Variants in FRMPD3 observed in about 807,000 individuals in gnomAD.
FRMPD3 encodes FERM and PDZ domain-containing protein 3.
In FRMPD3, 42 loss-of-function variants were observed where a neutral mutation model predicts 97.9. The ratio of observed to expected loss-of-function variants is 0.43; its 90% CI spans 0.34 to 0.55. The LOEUF (loss-of-function observed/expected upper bound fraction) is 0.55. Among genes scored for constraint, FRMPD3 ranks in the 20% least tolerant of loss-of-function variants. FRMPD3 has a pLI of 0.03. For synonymous variants in FRMPD3, 577 were observed against 581.1 expected (o/e 0.99, Z 0.10); for missense variants, 1,303 against 1,457.7 (o/e 0.89, Z 1.73).
At chrX:107,572,905 C>CTAATAATAA (rs1178379970) in intron 12 of FRMPD3, among the ~76,000 whole-genome samples, 2 of 101,632 alleles carry the variant, frequency 2.0e-5, no homozygotes, top group Non-Finnish European at 3.9e-5. Flanking sequence ...ACTACTACTA[C>CTAATAATAA]TACTAATAAT....
At chrX:107,598,294 G>A (rs953833710) in intron 14 of FRMPD3, among the ~76,000 whole-genome samples, 152 bp downstream of exon 14, 1 of 112,290 alleles carries the variant, frequency 8.9e-6, no homozygotes, top group Non-Finnish European at 1.9e-5. Context: ...AGGGTCAGAG[G>A]AGCAATGATG....
chrX:107,573,811 T>C (rs1923003554), intron 12 of FRMPD3, among the ~76,000 whole-genome samples: 2 of 112,460 alleles, frequency 1.8e-5, no homozygotes, highest in Admixed American at 1.9e-4. Flanking sequence ...GACTGTGTGG[T>C]ATAGACATAG....
intron 13 of FRMPD3, among the ~76,000 whole-genome samples, chrX:107,583,248 C>A (rs1054219806): frequency 9.1e-6 from 1 of 109,863 alleles, no homozygotes; most frequent in African/African-American, 3.3e-5. Flanking sequence ...CGCTCCCCCA[C>A]CCCCAACAGG....
rs766403816 is a variant in FRMPD3, at chrX:107,600,870, T to G, written c.2831T>G (p.Ile944Ser). The change falls in exon 15 of 15, where the codon ATC becomes AGC. Residue 944 changes from isoleucine (I) to serine (S), a missense_variant. Ile to Ser is a moderately radical substitution (Grantham distance 142, BLOSUM62 -2). This residue lies in a region of FRMPD3 where 764 missense variants were observed against 820.2 expected (regional missense o/e 0.93). Transcript: ENST00000683843. Reference sequence around the variant, plus strand: ...GAGGTCAGGTTGAGCCCCAAGCTTATCCTCGACCCAAAGAGCAGTGTGACC... The same window carrying G: ...GAGGTCAGGTTGAGCCCCAAGCTTAGCCTCGACCCAAAGAGCAGTGTGACC... ...PKEVRLSPKLILDPKSSVTPA... is the reference protein window; with the variant it reads ...PKEVRLSPKLSLDPKSSVTPA... 8.3e-6 allele frequency: 10 copies of G among 1,207,352 alleles called. No individual in the cohort carries two copies. The highest frequency in any genetic ancestry group is 1.1e-5 in the Non-Finnish European group (10 of 894,426).
At chrX:107,451,256 T>A (rs143917804) in intron 1 of FRMPD3, among the ~76,000 whole-genome samples, 1 of 112,108 alleles carries the variant, frequency 8.9e-6, no homozygotes, top group African/African-American at 3.2e-5. Flanking sequence ...GGGCAGTCTC[T>A]GGACTCCTGC....
At chrX:107,473,800 G>A (rs375403664) in intron 1 of FRMPD3, among the ~76,000 whole-genome samples, 19 of 112,536 alleles carry the variant, frequency 1.7e-4, no homozygotes, top group African/African-American at 5.8e-4. Flanking sequence ...TGCTAAGCTC[G>A]GGACTGGGTG....
Position 107,602,173 on chromosome X carries a change from G to A in FRMPD3, c.4134G>A (p.Ser1378=), listed in dbSNP as rs370910242. 709 of 1,209,155 alleles carry A rather than the reference G, an allele frequency of 5.9e-4. 3 individuals carry two copies. The African/African-American group carries it at 0.011, about 18-fold the overall frequency. Reference sequence around the variant, plus strand: ...TTTCGTGCCTGACCACGTGTGCCTCGGGGGGCGAGTGTCTGGGAGCTCCCA... The same window carrying A: ...TTTCGTGCCTGACCACGTGTGCCTCAGGGGGCGAGTGTCTGGGAGCTCCCA... ...SGVSCLTTCA[S]GGECLGAPNY... The change falls in exon 15 of 15, where the codon TCG becomes TCA. Residue 1378 remains serine, a synonymous_variant. Coordinates refer to ENST00000683843, the MANE Select transcript of FRMPD3 (RefSeq NM_001388459.1).
intron 4 of FRMPD3, among the ~76,000 whole-genome samples, chrX:107,543,167 A>G (rs1921399538): frequency 9.0e-6 from 1 of 111,423 alleles, no homozygotes; most frequent in African/African-American, 3.3e-5. Context: ...TCTGTTTTCC[A>G]CACAGCAACC....
intron 1 of FRMPD3, among the ~76,000 whole-genome samples, chrX:107,519,172 G>A (rs935903955): frequency 1.8e-5 from 2 of 111,750 alleles, no homozygotes; most frequent in African/African-American, 3.3e-5. Flanking sequence ...ATAATAATGT[G>A]AGTGTACTTA....
At chrX:107,524,018 C>T (rs1357919154) in intron 1 of FRMPD3, among the ~76,000 whole-genome samples, 1 of 112,524 alleles carries the variant, frequency 8.9e-6, no homozygotes, top group East Asian at 2.8e-4. Context: ...AGTTCCTTCT[C>T]CCCACGCCAC....
At chrX:107,547,104 T>C (rs1223190140) in intron 5 of FRMPD3, among the ~76,000 whole-genome samples, 1 of 111,156 alleles carries the variant, frequency 9.0e-6, no homozygotes, top group East Asian at 2.8e-4. Flanking sequence ...AGAGAAGTGA[T>C]CATTGATGAG....
Position 107,597,778 on chromosome X carries a change from C to G in FRMPD3, c.1899C>G (p.Ser633=), listed in dbSNP as rs1393289111. Residue 633 remains serine, a synonymous_variant, in exon 14 of 15, where the codon TCC becomes TCG. Transcript: ENST00000683843. ...LGPRKGGKPG[S]SRDNIVDLMS... ...CTCGCAAAGGTGGGAAGCCTGGCTC[C>G]TCTCGTGACAATATAGTAGATTTGA... 4.2e-6 allele frequency: 5 copies of G among 1,184,490 alleles called. No individual in the cohort carries two copies. Among genetic ancestry groups the G allele is most frequent in the Middle Eastern group, 2.3e-4 (1 of 4,322 alleles).
chrX:107,595,012 G>C (rs1484252038), intron 13 of FRMPD3, among the ~76,000 whole-genome samples: 2 of 110,930 alleles, frequency 1.8e-5, no homozygotes, highest in Non-Finnish European at 3.8e-5. Flanking sequence ...TTCCTTGACA[G>C]CCTGGTTATT....
intron 12 of FRMPD3, among the ~76,000 whole-genome samples, chrX:107,572,908 C>CTACTACTAATAATAA (rs796610991): frequency 1.1e-3 from 109 of 100,991 alleles, no homozygotes; most frequent in African/African-American, 3.7e-3. Flanking sequence ...ACTACTACTA[C>CTACTACTAATAATAA]TAATAATAAT....
chrX:107,511,259 G>A (rs753856288), intron 1 of FRMPD3, among the ~76,000 whole-genome samples: 5 of 112,129 alleles, frequency 4.5e-5, no homozygotes, highest in African/African-American at 1.6e-4. Context: ...CATCTACTCA[G>A]GCTATTGTGT....
Position 107,554,475 on chromosome X carries a change from C to T in FRMPD3, c.733C>T (p.Pro245Ser). ...KDPVELLRRD[P>S]AAFEYLYIQS... ...CCCTGTGGAGCTGCTGCGTCGGGAT[C>T]CTGCTGCTTTTGAGTACCTATACAT... is the stretch of plus-strand genomic sequence containing the variant. Residue 245 changes from proline to serine, a missense_variant, in exon 8 of 15, where the codon CCT (proline) becomes TCT (serine). Physicochemically the swap from Pro to Ser is moderately conservative, Grantham distance 74. Coordinates refer to ENST00000683843, the MANE Select transcript of FRMPD3 (RefSeq NM_001388459.1). The T allele has an allele frequency of 8.3e-7, 1 of 1,209,868 alleles. No individual in the cohort carries two copies. Among genetic ancestry groups the T allele is most frequent in the Non-Finnish European group, 1.1e-6 (1 of 894,912 alleles).
intron 11 of FRMPD3, 43 bp downstream of exon 11, chrX:107,563,243 G>C (rs917600108): frequency 2.8e-6 from 3 of 1,074,019 alleles, no homozygotes; most frequent in Non-Finnish European, 3.9e-6. Context: ...GGAGCCCCTT[G>C]TTGGCTCTTG....
Position 107,533,997 on chromosome X carries a change from C to T in FRMPD3, c.297+447C>T, listed in dbSNP as rs781516250. 2.2e-4 allele frequency among the ~76,000 whole-genome samples: 25 copies of T among 111,978 alleles called. No homozygotes were observed. In the South Asian group the frequency reaches 2.6e-3, roughly 12 times the overall value. ...TTTAATATAAATTTGCTGGGGGGTA[C>T]CCTTGGACAAACAGATTCATTTTTG... On this transcript the variant is annotated intron_variant, in intron 4 of 14. Coordinates refer to ENST00000683843, the MANE Select transcript of FRMPD3 (RefSeq NM_001388459.1).
At chrX:107,599,274 A>C (rs930607649) in intron 14 of FRMPD3, among the ~76,000 whole-genome samples, 1 of 110,974 alleles carries the variant, frequency 9.0e-6, no homozygotes, top group Non-Finnish European at 1.9e-5. Context: ...CTCTAAAAAA[A>C]AAAAAGAAGA....
Sources: allele counts gnomAD v4.1 joint callset (sites outside exome capture counted in the v4.1 genomes callset), GRCh38; gene constraint gnomAD v4.1.1; regional missense constraint gnomAD v4.1.1; transcripts MANE v1.5; gene names NCBI Gene and HGNC (gene_info 2026-07-23, HGNC 2026-07-21).